TPSG1: variants seen among roughly 807,000 people sequenced by gnomAD.
TPSG1 encodes the protein tryptase gamma 1.
In TPSG1, 43 loss-of-function variants were observed where a neutral mutation model predicts 23.8. The ratio of observed to expected loss-of-function variants is 1.81; its 90% CI spans 1.42 to 2.33. TPSG1 has a LOEUF of 2.33. Ranked by LOEUF, TPSG1 falls within the 30% of genes most tolerant of loss-of-function variation. TPSG1 has a pLI of 0.00. For missense variants in TPSG1, 623 were observed against 438.6 expected (o/e 1.42, Z -3.75); for synonymous variants, 302 against 201.3 (o/e 1.50, Z -4.23).
At position 1,221,654 on chromosome 16, in the gene TPSG1, G is replaced by T; in HGVS notation, c.*134C>A. On this transcript the variant is annotated 3_prime_UTR_variant, in exon 6 of 6. Transcript: ENST00000234798. ...CCGCGAGATTCCCATTGACACCTTT[G>T]TTTCGTGTGCTTTTAAATTCAGGTT... 1 of 1,012,152 alleles carries T rather than the reference G, an allele frequency of 9.9e-7. No homozygotes were observed. The highest frequency in any genetic ancestry group is 1.4e-6 in the Non-Finnish European group (1 of 707,908). The allele number at this position is 1,012,152 out of a possible 1,614,324, so 62.7% of individuals were successfully genotyped here. A position where few individuals can be genotyped will look rare whatever the true frequency, so the allele number is the denominator to read the frequency against.
In TPSG1 at chr16:1,223,013, C is replaced by T. The variant is rs1490327793; in HGVS notation, c.246-96G>A. On this transcript the variant is annotated intron_variant, in intron 3 of 5. Transcript: ENST00000234798. ...ACCCTACCCTTGCAGGCATCCGAAG[C>T]CCAGCTCTTCCCTCCTAGGCTTGGG... 5.7e-5 allele frequency: 79 copies of T among 1,381,158 alleles called. No individual in the cohort carries two copies. In the East Asian group the frequency reaches 1.8e-3, roughly 32 times the overall value. 85.6% of individuals were successfully genotyped at this position (1,381,158 alleles called of 1,614,324 possible). A position where few individuals can be genotyped will look rare whatever the true frequency, so the allele number is the denominator to read the frequency against.
At chr16:1,222,459 G>T in intron 4 of TPSG1, 118 bp from the exon 5 acceptor site, 1 of 1,241,898 alleles carries the variant, frequency 8.1e-7, no homozygotes, top group Non-Finnish European at 1.1e-6. Context: ...ACGGCACGTG[G>T]GTTGTGATCT....
chr16:1,223,457 G>T lies in TPSG1; in HGVS notation c.211C>A (p.Gln71Lys), dbSNP rs767637647. ...CAGTGGGCAGCTGTGAGCACCCACT[G>T]GGGGCTGAGCAGTGACCCGCCGCAC... ...HVCGGSLLSP[Q>K]WVLTAAHCFS... The change falls in exon 3 of 6, where the codon CAG becomes AAG. Residue 71 changes from glutamine to lysine, a missense_variant. By Grantham distance (53) the Gln-to-Lys change is moderately conservative. Coordinates refer to ENST00000234798, the MANE Select transcript of TPSG1 (RefSeq NM_012467.4). 6.3e-7 allele frequency: 1 copy of T among 1,589,322 alleles called. No homozygotes were observed.
In TPSG1 at chr16:1,221,654, G is replaced by A; in HGVS notation, c.*134C>T. ...CCGCGAGATTCCCATTGACACCTTT[G>A]TTTCGTGTGCTTTTAAATTCAGGTT... On this transcript the variant is annotated 3_prime_UTR_variant, in exon 6 of 6. Coordinates refer to ENST00000234798, the MANE Select transcript of TPSG1 (RefSeq NM_012467.4). The A allele has an allele frequency of 9.9e-7, 1 of 1,012,156 alleles. No homozygotes were observed. The highest frequency in any genetic ancestry group is 1.4e-6 in the Non-Finnish European group (1 of 707,912). 62.7% of individuals were successfully genotyped at this position (1,012,156 alleles called of 1,614,324 possible).
At position 1,222,090 on chromosome 16, in the gene TPSG1, AGTC is replaced by A; in HGVS notation, c.661_663del (p.Asp221del). 1 of 1,612,744 alleles carries A rather than the reference AGTC, an allele frequency of 6.2e-7. No individual in the cohort carries two copies. Among genetic ancestry groups the A allele is most frequent in the East Asian group, 2.2e-5 (1 of 44,866 alleles). On this transcript the variant is annotated inframe_deletion, in exon 6 of 6. Transcript: ENST00000234798. ...ACCTGGCAGACCAGAGGCCCCCCGG[AGTC>A]GTCCTGAGGACAGAGAAGGCGAGCA...
rs111758684 is a variant in TPSG1 at position 1,224,615 on chromosome 16, C to G, written c.60G>C (p.Arg20Ser). ...TCAGAGACGTACCTGGCTGCAAAGT[C>G]CTGAGGGACACACCTGTGGGAAAGA... ...LLLAVPGVSL[R>S]TLQPGCGRPQ... The change falls in exon 2 of 6, where the codon AGG (arginine) becomes AGC (serine). Residue 20 changes from arginine (R) to serine (S), a missense_variant. Arg to Ser is a moderately radical substitution (Grantham distance 110). Coordinates refer to ENST00000234798, the MANE Select transcript of TPSG1 (RefSeq NM_012467.4). 6.2e-7 allele frequency: 1 copy of G among 1,613,880 alleles called. No individual in the cohort carries two copies.
At position 1,225,255 on chromosome 16, in the gene TPSG1, T is replaced by C; in HGVS notation, c.-3A>G. On this transcript the variant is annotated 5_prime_UTR_variant, in exon 1 of 6. Transcript: ENST00000234798. Reference sequence around the variant, plus strand: ...AGGCCACAGGCCCCAAGGGCCATGGTGTCTGCCCACTGTAGGGAGAAGGAG... The same window carrying C: ...AGGCCACAGGCCCCAAGGGCCATGGCGTCTGCCCACTGTAGGGAGAAGGAG... The C allele has an allele frequency of 6.4e-7, 1 of 1,569,320 alleles. No homozygotes were observed. Among genetic ancestry groups the C allele is most frequent in the African/African-American group, 1.3e-5 (1 of 74,144 alleles).
rs758616610 is a variant in TPSG1, at chr16:1,225,188, C to A, written c.46+19G>T. On this transcript the variant is annotated intron_variant, in intron 1 of 5. Transcript: ENST00000234798. ...AAGCAGATGCCCCCCCATCCCCACA[C>A]CCAGGCCAGGTCACCCACCGGGCAC... 6.4e-7 allele frequency: 1 copy of A among 1,568,082 alleles called. No individual in the cohort carries two copies. Among genetic ancestry groups the A allele is most frequent in the East Asian group, 2.4e-5 (1 of 42,510 alleles).
Position 1,222,881 on chromosome 16 carries a change from C to T in TPSG1, c.282G>A (p.Gly94=), listed in dbSNP as rs761601546. Reference sequence around the variant, plus strand: ...GGGGAGACAGAGTGATCTCCAGTTCCCCCAGGTGCACCTGGTAGTCGGATG... The same window carrying T: ...GGGGAGACAGAGTGATCTCCAGTTCTCCCAGGTGCACCTGGTAGTCGGATG... ...LNSSDYQVHL[G]ELEITLSPHF... The change falls in exon 4 of 6, where the codon GGG becomes GGA. Residue 94 remains glycine, a synonymous_variant. Transcript: ENST00000234798. 35 of 1,609,102 alleles carry T rather than the reference C, an allele frequency of 2.2e-5. No individual in the cohort carries two copies. The East Asian group carries it at 5.4e-4, about 25-fold the overall frequency.
At chr16:1,225,105 C>T (rs2030076831) in intron 1 of TPSG1, 102 bp downstream of exon 1, 3 of 1,430,282 alleles carry the variant, frequency 2.1e-6, no homozygotes, top group South Asian at 1.3e-5. Flanking sequence ...GGGGACTCAG[C>T]ATGTTTCTCC....
intron 2 of TPSG1, 83 bp from the exon 3 acceptor site, chr16:1,223,677 C>T (rs148590421): frequency 1.6e-4 from 231 of 1,448,714 alleles, no homozygotes; most frequent in Non-Finnish European, 2.0e-4. Context: ...CCTGACCACA[C>T]CTCCCTGCCT....
chr16:1,222,643 G>T lies in TPSG1; in HGVS notation c.511+9C>A. 6.5e-7 allele frequency: 1 copy of T among 1,535,170 alleles called. No homozygotes were observed. Among genetic ancestry groups the T allele is most frequent in the Non-Finnish European group, 8.8e-7 (1 of 1,136,802 alleles). On this transcript the variant is annotated intron_variant, in intron 4 of 5. Coordinates refer to ENST00000234798, the MANE Select transcript of TPSG1 (RefSeq NM_012467.4). ...CCTCCATCCCAGCATCCCCACGGGG[G>T]CTCCTCACCTCCCTCCCGCGTATAG...
Position 1,223,555 on chromosome 16 carries a change from A to G in TPSG1, c.113T>C (p.Ile38Thr). 1 of 1,545,968 alleles carries G rather than the reference A, an allele frequency of 6.5e-7. No individual in the cohort carries two copies. The highest frequency in any genetic ancestry group is 8.7e-7 in the Non-Finnish European group (1 of 1,147,846). The change falls in exon 3 of 6, where the codon ATC becomes ACC. Residue 38 changes from isoleucine to threonine, a missense_variant. Physicochemically the swap from Ile to Thr is moderately conservative, Grantham distance 89 (BLOSUM62 -1). Transcript: ENST00000234798. ...RPQVSDAGGR[I>T]VGGHAAPAGA... ...GGCCGGGGCAGCGTGACCCCCCACG[A>G]TCCGGCCGCCTGCATCCGAAACCTG...
At chr16:1,223,247 G>C (rs1306732438) in intron 3 of TPSG1, among the ~76,000 whole-genome samples, 176 bp downstream of exon 3, 1 of 152,226 alleles carries the variant, frequency 6.6e-6, no homozygotes, top group Non-Finnish European at 1.5e-5. Context: ...GGTGAGCAAA[G>C]AGCTGCAGAA....
At chr16:1,224,851 C>T (rs2030062310) in intron 1 of TPSG1, 1 of 623,722 alleles carries the variant, frequency 1.6e-6, no homozygotes, top group African/African-American at 1.9e-5. Flanking sequence ...GGGAGCTTGG[C>T]CTCAGGCCTG....
rs759211097 is a variant in TPSG1 at position 1,221,740 on chromosome 16, G to C, written c.*48C>G. 6.6e-7 allele frequency: 1 copy of C among 1,511,648 alleles called. No individual in the cohort carries two copies. Among genetic ancestry groups the C allele is most frequent in the Admixed American group, 2.1e-5 (1 of 48,626 alleles). 93.6% of individuals were successfully genotyped at this position (1,511,648 alleles called of 1,614,324 possible). ...TCTCAAGGGAGAGGGAGGGGGCGGA[G>C]CGGAATAAATAGTAACTTATTTAAG... On this transcript the variant is annotated 3_prime_UTR_variant, in exon 6 of 6. Coordinates refer to ENST00000234798, the MANE Select transcript of TPSG1 (RefSeq NM_012467.4).
rs766846731 is a variant in TPSG1 at position 1,221,902 on chromosome 16, G to C, written c.852C>G (p.Leu284=). 4 of 1,611,654 alleles carry C rather than the reference G, an allele frequency of 2.5e-6. No homozygotes were observed. Among genetic ancestry groups the C allele is most frequent in the Non-Finnish European group, 3.4e-6 (4 of 1,179,270 alleles). ...GGCCGGGGAGGAAGAAGCCAGCCAGGAGGGGGAGCCTGGGGTACCCAGACT... is the reference window on the plus strand; with the variant it reads ...GGCCGGGGAGGAAGAAGCCAGCCAGCAGGGGGAGCCTGGGGTACCCAGACT... ...GSESGYPRLP[L]LAGFFLPGLF... Residue 284 remains leucine, a synonymous_variant, in exon 6 of 6, where the codon CTC becomes CTG. Coordinates refer to ENST00000234798, the MANE Select transcript of TPSG1 (RefSeq NM_012467.4).
In TPSG1 at chr16:1,222,125, G is replaced by A. The variant is rs773169225; in HGVS notation, c.658-29C>T. ...AGGACAGAGAAGGCGAGCATTGGGAGCCGAGAAGATGGGGAGCCCCTCCCT... is the reference window on the plus strand; with the variant it reads ...AGGACAGAGAAGGCGAGCATTGGGAACCGAGAAGATGGGGAGCCCCTCCCT... On this transcript the variant is annotated intron_variant, in intron 5 of 5. Coordinates refer to ENST00000234798, the MANE Select transcript of TPSG1 (RefSeq NM_012467.4). 3.7e-6 allele frequency: 6 copies of A among 1,612,356 alleles called. No individual in the cohort carries two copies. In the South Asian group the frequency reaches 5.5e-5, roughly 15 times the overall value.
rs1000269272 is a variant in TPSG1, at chr16:1,221,814, C to G, written c.940G>C (p.Gly314Arg). The part of the protein sequence containing the change: ...AKCLLHPSAD[G>R]TPFPAPD ...CAGTCAGGGGCGGGGAAGGGAGTAC[C>G]ATCCGCAGATGGGTGCAGCAGGCAC... Residue 314 changes from glycine (G) to arginine (R), a missense_variant, in exon 6 of 6, where the codon GGT (glycine) becomes CGT (arginine). Physicochemically the swap from Gly to Arg is moderately radical, Grantham distance 125. Transcript: ENST00000234798. The G allele has an allele frequency of 6.2e-7, 1 of 1,608,992 alleles. No individual in the cohort carries two copies. The highest frequency in any genetic ancestry group is 1.3e-5 in the African/African-American group (1 of 74,866).
Sources: gnomAD v4.1 joint callset for allele counts (sites outside exome capture counted in the v4.1 genomes callset) on GRCh38, gnomAD v4.1.1 for gene constraint, MANE v1.5 for transcripts, NCBI Gene and HGNC (gene_info 2026-07-23, HGNC 2026-07-21) for gene names.